Variants in ZFAT observed in about 807,000 individuals in gnomAD.
The protein encoded by ZFAT is zinc finger and AT-hook domain containing.
A neutral mutation model predicts 117.7 loss-of-function variants in ZFAT; 64 were observed. The ratio of observed to expected loss-of-function variants is 0.54; its 90% CI spans 0.44 to 0.67. The LOEUF (loss-of-function observed/expected upper bound fraction) is 0.67, where lower values mean the gene tolerates loss of function less well. ZFAT is among the 30% of genes least tolerant of loss of function. The pLI is 0.00. For missense variants in ZFAT, 1,433 were observed against 1,584.5 expected (o/e 0.90, Z 1.62); for synonymous variants, 679 against 615.0 (o/e 1.10, Z -1.54).
the ZFAT span, chr8:134,765,209 A>T: frequency 6.6e-6 from 1 of 152,230 alleles, no homozygotes; most frequent in Non-Finnish European, 1.5e-5. Flanking sequence ...ATATATTTTT[A>T]AAAGTAATAA....
chr8:134,744,200 T>A, the ZFAT span, among the ~76,000 whole-genome samples: 1 of 152,170 alleles, frequency 6.6e-6, no homozygotes, highest in Admixed American at 6.5e-5. Flanking sequence ...TTGGCAGAAT[T>A]CATTTCCTTA....
At chr8:134,638,425 G>T (rs1051905531) in intron 2 of ZFAT, among the ~76,000 whole-genome samples, 9 of 151,898 alleles carry the variant, frequency 5.9e-5, no homozygotes, top group Non-Finnish European at 1.2e-4. Flanking sequence ...GTGAGCGGGG[G>T]CCAGGCGCGG....
the ZFAT span, chr8:134,765,189 A>G: frequency 6.6e-6 from 1 of 152,160 alleles, no homozygotes; most frequent in African/African-American, 2.4e-5. Context: ...TAAACTTACC[A>G]CTAAATAACA....
rs201681098 is a variant in ZFAT at position 134,610,527 on chromosome 8, A to G, written c.577T>C (p.Ser193Pro). The G allele has an allele frequency of 6.2e-7, 1 of 1,614,136 alleles. No homozygotes were observed. Among genetic ancestry groups the G allele is most frequent in the Non-Finnish European group, 8.5e-7 (1 of 1,180,010 alleles). ...CTTATGATGGGTTTCTTCGCCCCAG[A>G]AAGCTGTCTGGCCTCCTTTCCTGAG... The part of the protein sequence containing the change: ...KISGKEARQL[S>P]GAKKPIISVV... Residue 193 changes from serine to proline, a missense_variant, in exon 4 of 16, where the codon TCT becomes CCT. Physicochemically the swap from Ser to Pro is moderately conservative, Grantham distance 74 (BLOSUM62 -1). This residue lies in a region of ZFAT where 436 missense variants were observed against 482.0 expected (regional missense o/e 0.90). Coordinates refer to ENST00000377838, the MANE Select transcript of ZFAT (RefSeq NM_020863.4).
At chr8:134,488,637 GGT>G (rs1487616202) in intron 15 of ZFAT, among the ~76,000 whole-genome samples, 1 of 152,146 alleles carries the variant, frequency 6.6e-6, no homozygotes, top group Non-Finnish European at 1.5e-5. Context: ...CAGATGCTCT[GGT>G]GGAGGCTAGA....
chr8:134,633,946 T>C (rs1232203268), intron 3 of ZFAT, among the ~76,000 whole-genome samples: 9 of 152,160 alleles, frequency 5.9e-5, no homozygotes, highest in Admixed American at 5.9e-4. Flanking sequence ...CTTGGGAGGC[T>C]GAGGCAGGAG....
At position 134,532,917 on chromosome 8, in the gene ZFAT, C is replaced by A. The variant is rs777416216; in HGVS notation, c.3032G>T (p.Arg1011Leu). 1.2e-6 allele frequency: 2 copies of A among 1,609,310 alleles called. No individual in the cohort carries two copies. The highest frequency in any genetic ancestry group is 1.7e-6 in the Non-Finnish European group (2 of 1,178,006). Residue 1011 changes from arginine (R) to leucine (L), a missense_variant, in exon 12 of 16, where the codon CGG (arginine) becomes CTG (leucine). Coordinates refer to ENST00000377838, the MANE Select transcript of ZFAT (RefSeq NM_020863.4). ...ATTAGGGTGCTTCCTGTTGTAGTGC[C>A]GCTTCAGAGAGCCAGATATGTTGCA... is the stretch of plus-strand genomic sequence containing the variant. ...YSCNISGSLK[R>L]HYNRKHPNEE...
At chr8:134,771,121 C>A in the ZFAT span, among the ~76,000 whole-genome samples, 1 of 152,248 alleles carries the variant, frequency 6.6e-6, no homozygotes, top group East Asian at 1.9e-4. Context: ...CCTATTCGCA[C>A]ACTCCCTCCC....
At chr8:134,570,262 G>A (rs2130793555) in intron 10 of ZFAT, among the ~76,000 whole-genome samples, 1 of 152,188 alleles carries the variant, frequency 6.6e-6, no homozygotes, top group African/African-American at 2.4e-5. Flanking sequence ...ATCAGTCCCT[G>A]TGCCCCTTTA....
chr8:134,694,411 G>A (rs921307459), intron 1 of ZFAT, among the ~76,000 whole-genome samples: 2 of 152,204 alleles, frequency 1.3e-5, no homozygotes, highest in South Asian at 2.1e-4. Flanking sequence ...CTGAGACAGA[G>A]GACAAAGCAA....
chr8:134,484,228 C>T (rs893695971), intron 15 of ZFAT, among the ~76,000 whole-genome samples: 1 of 152,242 alleles, frequency 6.6e-6, no homozygotes, highest in African/African-American at 2.4e-5. Flanking sequence ...AAGCACAGCA[C>T]CGGCTCCTCT....
At chr8:134,703,883 G>A (rs1270484870) in intron 1 of ZFAT, among the ~76,000 whole-genome samples, 1 of 152,154 alleles carries the variant, frequency 6.6e-6, no homozygotes, top group Non-Finnish European at 1.5e-5. Context: ...GAATGGAAGG[G>A]GAAGAGAGGA....
the ZFAT span, among the ~76,000 whole-genome samples, chr8:134,721,022 C>T: frequency 6.6e-4 from 100 of 152,308 alleles, 1 homozygote; most frequent in East Asian, 0.015. Context: ...ACGCGGCAAG[C>T]TGGGGCCTGG....
the ZFAT span, among the ~76,000 whole-genome samples, chr8:134,732,585 C>T: frequency 1.8e-3 from 277 of 152,346 alleles, 1 homozygote; most frequent in African/African-American, 6.3e-3. Flanking sequence ...TCATCCAACT[C>T]AGAAAATGGG....
intron 3 of ZFAT, 117 bp downstream of exon 3, chr8:134,637,344 T>G: frequency 1.5e-6 from 2 of 1,328,910 alleles, no homozygotes; most frequent in Non-Finnish European, 2.1e-6. Context: ...TCCAGATGGG[T>G]GAGAGCTGAA....
chr8:134,499,424 A>G (rs1461023681), intron 15 of ZFAT, among the ~76,000 whole-genome samples: 2 of 146,154 alleles, frequency 1.4e-5, no homozygotes, highest in African/African-American at 5.2e-5. Flanking sequence ...TTACACACAG[A>G]GCGTGATTTG....
At chr8:134,742,362 G>C in the ZFAT span, among the ~76,000 whole-genome samples, 406 of 152,234 alleles carry the variant, frequency 2.7e-3, no homozygotes, top group Non-Finnish European at 4.2e-3. Flanking sequence ...CCAGGTGAGA[G>C]CAGCAATGCT....
chr8:134,726,447 A>G, the ZFAT span, among the ~76,000 whole-genome samples: 1 of 152,158 alleles, frequency 6.6e-6, no homozygotes, highest in Non-Finnish European at 1.5e-5. Context: ...TTTTCCCCTT[A>G]CCAGTCGAGT....
chr8:134,724,299 A>G, the ZFAT span, among the ~76,000 whole-genome samples: 1,350 of 152,340 alleles, frequency 8.9e-3, 12 homozygotes, highest in Non-Finnish European at 0.013. Context: ...AAGGCATAGC[A>G]GAAGGAAGGA....
Sources: gnomAD v4.1 joint callset for allele counts (sites outside exome capture counted in the v4.1 genomes callset) on GRCh38, gnomAD v4.1.1 for gene constraint, gnomAD v4.1.1 regional missense constraint, MANE v1.5 for transcripts, NCBI Gene and HGNC (gene_info 2026-07-23, HGNC 2026-07-21) for gene names.